DYNC1I2: variants seen among roughly 807,000 people sequenced by gnomAD.
DYNC1I2 encodes cytoplasmic dynein 1 intermediate chain 2.
Under a neutral mutation model 88.6 loss-of-function variants are expected in DYNC1I2, and 53 were observed. The observed-to-expected ratio is 0.60, with a 90% CI of 0.48 to 0.75. The LOEUF is 0.75. DYNC1I2 is among the 30% of genes least tolerant of loss of function. The probability of loss-of-function intolerance (pLI) is 0.00; values close to 1 mark genes in which losing one functional copy is unlikely to be tolerated. For missense variants in DYNC1I2, 458 were observed against 766.6 expected, an observed-to-expected ratio of 0.60 and a Z score of 4.75; for synonymous variants, 198 against 254.6, an observed-to-expected ratio of 0.78 and a Z score of 2.12.
Position 171,692,998 on chromosome 2 carries a change from T to C in DYNC1I2, c.226+104T>C, listed in dbSNP as rs905466432. The C allele has an allele frequency of 2.2e-5, 19 of 848,948 alleles. No individual in the cohort carries two copies. The African/African-American group carries it at 2.7e-4, about 12-fold the overall frequency. The allele number at this position is 848,948 out of a possible 1,614,324, so 52.6% of individuals were successfully genotyped here. A position where few individuals can be genotyped will look rare whatever the true frequency, so the allele number is the denominator to read the frequency against. The stretch of plus-strand genomic sequence containing the variant: ...TGATATATTTTACATATTTTCCTTG[T>C]GTCTCTAAAATTATTAATCTTTTAT... On this transcript the variant is annotated intron_variant, in intron 3 of 17. Transcript: ENST00000397119.
chr2:171,717,883 A>G (rs1244683041), intron 7 of DYNC1I2, among the ~76,000 whole-genome samples: 1 of 152,154 alleles, frequency 6.6e-6, no homozygotes, highest in African/African-American at 2.4e-5. Context: ...GATTTTTTCA[A>G]ATATAAAGTA....
chr2:171,712,772 T>G lies in DYNC1I2; in HGVS notation c.341T>G (p.Leu114Arg). 6.2e-7 allele frequency: 1 copy of G among 1,613,412 alleles called. No individual in the cohort carries two copies. The highest frequency in any genetic ancestry group is 8.5e-7 in the Non-Finnish European group (1 of 1,179,544). Residue 114 changes from leucine (L) to arginine (R), a missense_variant, in exon 6 of 18, where the codon CTG (leucine) becomes CGG (arginine). Around this residue, in one of 5 missense-constraint regions of DYNC1I2, gnomAD observed 203 missense variants for 354.2 expected, o/e 0.57. Coordinates refer to ENST00000397119, the MANE Select transcript of DYNC1I2 (RefSeq NM_001378.3). ...SGDGAVGSRT[L>R]HWDTDPSVLQ... ...GTTGTCCTACAACCATTTAGGACGC[T>G]GCATTGGGATACAGATCCATCAGTT...
At chr2:171,711,248 C>T (rs1207778997) in intron 5 of DYNC1I2, among the ~76,000 whole-genome samples, 1 of 152,076 alleles carries the variant, frequency 6.6e-6, no homozygotes, top group Non-Finnish European at 1.5e-5. Context: ...AGTGATCTGC[C>T]CACCTCGGCC....
chr2:171,714,704 C>G (rs1381381709), intron 6 of DYNC1I2, among the ~76,000 whole-genome samples: 1 of 152,158 alleles, frequency 6.6e-6, no homozygotes, highest in Non-Finnish European at 1.5e-5. Flanking sequence ...TCACTTTAGT[C>G]TAAGTGTAGA....
chr2:171,727,044 A>G lies in DYNC1I2; in HGVS notation c.996+128A>G, dbSNP rs1688303207. The G allele has an allele frequency of 1.1e-5, 11 of 1,042,290 alleles. No individual in the cohort carries two copies. In the South Asian group the frequency reaches 1.8e-4, roughly 17 times the overall value. The allele number at this position is 1,042,290 out of a possible 1,614,324, so 64.6% of individuals were successfully genotyped here. A position where few individuals can be genotyped will look rare whatever the true frequency, so the allele number is the denominator to read the frequency against. On this transcript the variant is annotated intron_variant, in intron 11 of 17. Coordinates refer to ENST00000397119, the MANE Select transcript of DYNC1I2 (RefSeq NM_001378.3). ...GATTGGCATTTTACTAAACCACTCC[A>G]TATTTGCAAACAGATGTTAACAGAA...
chr2:171,700,722 C>G (rs1217754953), intron 3 of DYNC1I2, among the ~76,000 whole-genome samples: 2 of 152,102 alleles, frequency 1.3e-5, no homozygotes, highest in African/African-American at 2.4e-5. Context: ...AGCTTCACCC[C>G]CTGGGTTCCC....
At chr2:171,724,000 T>C (rs1400855987) in intron 7 of DYNC1I2, among the ~76,000 whole-genome samples, 1 of 152,190 alleles carries the variant, frequency 6.6e-6, no homozygotes, top group East Asian at 1.9e-4. Context: ...TTGTGGCTGA[T>C]TGAGGCCGTT....
chr2:171,705,963 A>T (rs1468659864), intron 3 of DYNC1I2, among the ~76,000 whole-genome samples: 10 of 152,008 alleles, frequency 6.6e-5, no homozygotes, highest in Non-Finnish European at 1.5e-4. Context: ...AGAATTTACC[A>T]TTGAAAAAAT....
intron 3 of DYNC1I2, among the ~76,000 whole-genome samples, chr2:171,702,597 A>G (rs1293188955): frequency 1.3e-5 from 2 of 152,114 alleles, no homozygotes; most frequent in Non-Finnish European, 2.9e-5. Context: ...GAAGTATAAA[A>G]ACACTGGGTT....
intron 15 of DYNC1I2, among the ~76,000 whole-genome samples, chr2:171,736,678 T>G (rs1435159759): frequency 6.6e-6 from 1 of 152,244 alleles, no homozygotes; most frequent in Non-Finnish European, 1.5e-5. Flanking sequence ...TTCATTTTCC[T>G]TGTAAGACTG....
intron 1 of DYNC1I2, chr2:171,688,074 T>TG (rs1685100111): frequency 6.6e-6 from 1 of 152,292 alleles, no homozygotes; most frequent in Admixed American, 6.5e-5. Flanking sequence ...AGAGGCGGCC[T>TG]GGGGAGCCTT....
At chr2:171,732,132 G>A (rs1367389616) in intron 15 of DYNC1I2, among the ~76,000 whole-genome samples, 1 of 152,246 alleles carries the variant, frequency 6.6e-6, no homozygotes, top group East Asian at 1.9e-4. Context: ...GGGAGTCCAA[G>A]GCGGGTGGAT....
At chr2:171,701,331 A>G (rs1320882625) in intron 3 of DYNC1I2, among the ~76,000 whole-genome samples, 1 of 152,086 alleles carries the variant, frequency 6.6e-6, no homozygotes, top group East Asian at 1.9e-4. Context: ...CAACAAGCCC[A>G]GCTAATTTTT....
chr2:171,707,479 C>A, intron 5 of DYNC1I2, 102 bp downstream of exon 5: 2 of 974,170 alleles, frequency 2.1e-6, no homozygotes, highest in Non-Finnish European at 1.4e-6. Flanking sequence ...TCGAGTTAGT[C>A]CTAACATTTT....
At chr2:171,709,719 C>G (rs1686960037) in intron 5 of DYNC1I2, among the ~76,000 whole-genome samples, 1 of 152,046 alleles carries the variant, frequency 6.6e-6, no homozygotes, top group South Asian at 2.1e-4. Context: ...GACCTTACAT[C>G]TTTCTTTTTT....
intron 2 of DYNC1I2, among the ~76,000 whole-genome samples, chr2:171,690,509 C>T (rs1685317267): frequency 6.6e-6 from 1 of 152,038 alleles, no homozygotes; most frequent in African/African-American, 2.4e-5. Context: ...AATGACAAAA[C>T]TGATAAAATA....
chr2:171,746,140 A>T (rs952436408), intron 17 of DYNC1I2, among the ~76,000 whole-genome samples: 1 of 152,230 alleles, frequency 6.6e-6, no homozygotes, highest in Non-Finnish European at 1.5e-5. Context: ...TTTTGAGGGT[A>T]ATACAATAAA....
At chr2:171,700,409 G>C (rs1686157075) in intron 3 of DYNC1I2, among the ~76,000 whole-genome samples, 1 of 152,112 alleles carries the variant, frequency 6.6e-6, no homozygotes, top group South Asian at 2.1e-4. Flanking sequence ...CATTCACAGA[G>C]AATTTACCCA....
intron 3 of DYNC1I2, among the ~76,000 whole-genome samples, chr2:171,699,894 G>A: frequency 6.6e-6 from 1 of 151,908 alleles, no homozygotes; most frequent in Non-Finnish European, 1.5e-5. Context: ...TCCCGCCTTG[G>A]CCTCCCTAAC....
Sources: allele counts gnomAD v4.1 joint callset (sites outside exome capture counted in the v4.1 genomes callset), GRCh38; gene constraint gnomAD v4.1.1; regional missense constraint gnomAD v4.1.1; transcripts MANE v1.5; gene names NCBI Gene and HGNC (gene_info 2026-07-23, HGNC 2026-07-21).